The following CRYBG1 variants were observed in gnomAD, a reference collection of about 807,000 sequenced individuals.
The protein encoded by CRYBG1 is crystallin beta-gamma domain containing 1, also known as beta/gamma crystallin domain-containing protein 1.
A neutral mutation model predicts 189.2 loss-of-function variants in CRYBG1; 139 were observed. The observed-to-expected ratio is 0.73, with a 90% confidence interval of 0.64 to 0.85. The LOEUF is 0.85. Ranked by LOEUF, CRYBG1 falls within the 40% of genes least tolerant of loss-of-function variation. CRYBG1 has a pLI of 0.00. For missense variants in CRYBG1, 2,611 were observed against 2,675.8 expected, an observed-to-expected ratio of 0.98 and a Z score of 0.53; for synonymous variants, 1,023 against 1,017.1, an observed-to-expected ratio of 1.01 and a Z score of -0.11.
intron 1 of CRYBG1, among the ~76,000 whole-genome samples, chr6:106,426,143 C>A (rs1384759763): frequency 6.6e-6 from 1 of 152,258 alleles, no homozygotes; most frequent in East Asian, 1.9e-4. Flanking sequence ...CACCCACCAC[C>A]AACTTGTCTT....
chr6:106,436,337 T>C (rs6929283), intron 1 of CRYBG1, among the ~76,000 whole-genome samples: 89,016 of 149,786 alleles, frequency 0.59, 27,444 homozygotes, highest in East Asian at 0.75. Context: ...CTCGCTCTGT[T>C]GCCTAGGCTG....
intron 15 of CRYBG1, among the ~76,000 whole-genome samples, chr6:106,552,909 C>G (rs951742023): frequency 6.6e-6 from 1 of 152,144 alleles, no homozygotes; most frequent in Non-Finnish European, 1.5e-5. Context: ...TGGTCTCACT[C>G]AAGCTTTCTG....
chr6:106,387,582 A>G (rs1343915994), intron 1 of CRYBG1, among the ~76,000 whole-genome samples: 1 of 152,182 alleles, frequency 6.6e-6, no homozygotes, highest in Non-Finnish European at 1.5e-5. Context: ...TAGATACTCG[A>G]CAGGACATTT....
At chr6:106,398,963 G>C (rs1190253464) in intron 1 of CRYBG1, among the ~76,000 whole-genome samples, 2 of 152,216 alleles carry the variant, frequency 1.3e-5, no homozygotes, top group Non-Finnish European at 2.9e-5. Flanking sequence ...AGGCTGGGAA[G>C]TAGTCCTCTG....
intron 1 of CRYBG1, among the ~76,000 whole-genome samples, chr6:106,403,108 G>A (rs920016014): frequency 6.6e-6 from 1 of 152,180 alleles, no homozygotes; most frequent in Admixed American, 6.5e-5. Context: ...TAAGACGGGG[G>A]AGGATTGCTT....
intron 1 of CRYBG1, among the ~76,000 whole-genome samples, chr6:106,374,252 T>G (rs565522043): frequency 6.6e-6 from 1 of 152,170 alleles, no homozygotes; most frequent in South Asian, 2.1e-4. Context: ...AAAAAAGAGA[T>G]ATTCAAATAT....
intron 1 of CRYBG1, among the ~76,000 whole-genome samples, chr6:106,391,970 TGC>T (rs1554231578): frequency 7.0e-4 from 55 of 78,350 alleles, no homozygotes; most frequent in Admixed American, 1.4e-3. Flanking sequence ...TGTGTGTGTG[TGC>T]GTGCGCGTTT....
chr6:106,369,747 T>G (rs1185697008), intron 1 of CRYBG1, among the ~76,000 whole-genome samples: 2 of 152,258 alleles, frequency 1.3e-5, no homozygotes, highest in African/African-American at 2.4e-5. Flanking sequence ...TTATTCAATA[T>G]GCACTATGTA....
chr6:106,460,244 G>A (rs1771981737), intron 2 of CRYBG1, among the ~76,000 whole-genome samples: 1 of 151,956 alleles, frequency 6.6e-6, no homozygotes, highest in South Asian at 2.1e-4. Flanking sequence ...GCCCGCCTCT[G>A]CCTCCCAAAG....
chr6:106,558,770 C>A, intron 18 of CRYBG1, 145 bp downstream of exon 18: 2 of 666,866 alleles, frequency 3.0e-6, no homozygotes, highest in Middle Eastern at 5.9e-4. Flanking sequence ...CAAGAAAAGC[C>A]TGGGCAACAA....
intron 2 of CRYBG1, among the ~76,000 whole-genome samples, chr6:106,454,256 C>T (rs948828416): frequency 6.6e-6 from 1 of 152,184 alleles, no homozygotes; most frequent in African/African-American, 2.4e-5. Context: ...GGCAGTACAA[C>T]AGCCTTTCTC....
At chr6:106,474,097 T>C (rs560366063) in intron 2 of CRYBG1, among the ~76,000 whole-genome samples, 1 of 152,374 alleles carries the variant, frequency 6.6e-6, no homozygotes, top group African/African-American at 2.4e-5. Context: ...TTACACAATG[T>C]ATCTGTAGTC....
At chr6:106,482,538 G>A (rs1045700788) in intron 2 of CRYBG1, among the ~76,000 whole-genome samples, 1 of 152,126 alleles carries the variant, frequency 6.6e-6, no homozygotes, top group Non-Finnish European at 1.5e-5. Context: ...CACTTTGGGA[G>A]GCCGAGGGGG....
At chr6:106,427,214 A>G (rs1771243342) in intron 1 of CRYBG1, among the ~76,000 whole-genome samples, 1 of 152,030 alleles carries the variant, frequency 6.6e-6, no homozygotes, top group Non-Finnish European at 1.5e-5. Context: ...TATATCCCCA[A>G]TATCCATCTC....
intron 2 of CRYBG1, among the ~76,000 whole-genome samples, chr6:106,509,591 CTTA>C (rs992374130): frequency 1.3e-5 from 2 of 152,084 alleles, no homozygotes; most frequent in African/African-American, 2.4e-5. Flanking sequence ...CCAGGAGAGT[CTTA>C]GAACCTTGAG....
intron 7 of CRYBG1, among the ~76,000 whole-genome samples, chr6:106,528,831 G>A (rs539943985): frequency 5.3e-4 from 81 of 152,150 alleles, no homozygotes; most frequent in Middle Eastern, 3.4e-3. Context: ...ACATAAATGA[G>A]GTACCATTAT....
At chr6:106,565,517 G>A (rs58788742) in intron 21 of CRYBG1, among the ~76,000 whole-genome samples, 3 of 152,240 alleles carry the variant, frequency 2.0e-5, no homozygotes, top group East Asian at 3.9e-4. Context: ...ATGGACTTAG[G>A]ATCAGACAGA....
chr6:106,446,069 T>G (rs538581322), intron 1 of CRYBG1, among the ~76,000 whole-genome samples: 7 of 152,268 alleles, frequency 4.6e-5, no homozygotes, highest in Middle Eastern at 3.4e-3. Flanking sequence ...TCTTCAAATC[T>G]GCAATAAAGT....
intron 17 of CRYBG1, 152 bp from the exon 18 acceptor site, chr6:106,558,334 A>G (rs574883567): frequency 1.7e-6 from 1 of 599,398 alleles, no homozygotes; most frequent in African/African-American, 1.9e-5. Flanking sequence ...CTTGGAGTAC[A>G]CAAACATCCA....
Sources: gnomAD v4.1 joint callset for allele counts (sites outside exome capture counted in the v4.1 genomes callset) on GRCh38, gnomAD v4.1.1 for gene constraint, MANE v1.5 for transcripts, NCBI Gene and HGNC (gene_info 2026-07-23, HGNC 2026-07-21) for gene names.